The following NLGN1 variants were observed in gnomAD, a reference collection of about 807,000 sequenced individuals.
NLGN1 encodes neuroligin 1.
NLGN1 carries 12 observed loss-of-function variants against 65.5 expected under a neutral mutation model. The ratio of observed to expected loss-of-function variants is 0.18; its 90% CI spans 0.12 to 0.30. The LOEUF is 0.30. NLGN1 is among the 10% of genes least tolerant of loss of function. NLGN1 has a pLI of 1.00. For synonymous variants in NLGN1, 350 were observed against 359.5 expected (o/e 0.97, Z 0.30); for missense variants, 750 against 1,007.1 (o/e 0.74, Z 3.46).
In NLGN1 at chr3:173,449,479, C is replaced by T. The variant is rs1385285629; in HGVS notation, c.-321+14401C>T. On this transcript the variant is annotated intron_variant, in intron 2 of 6. Transcript: ENST00000457714. ...ACATTTGCTGAGGAGTGCTTTACTTCCAACTATGTGGTCAATTTTGTAATA... is the reference window on the plus strand; with the variant it reads ...ACATTTGCTGAGGAGTGCTTTACTTTCAACTATGTGGTCAATTTTGTAATA... Among the ~76,000 whole-genome samples the T allele has an allele frequency of 3.9e-5, 6 of 152,222 alleles. No homozygotes were observed. The East Asian group carries it at 1.2e-3, about 29-fold the overall frequency.
intron 4 of NLGN1, among the ~76,000 whole-genome samples, chr3:174,261,231 G>A (rs1414156019): frequency 1.1e-4 from 16 of 151,400 alleles, no homozygotes; most frequent in Non-Finnish European, 1.8e-4. Flanking sequence ...GAAAGTCATT[G>A]GTAGCTTTAT....
chr3:174,137,348 T>C (rs542946575), intron 4 of NLGN1, among the ~76,000 whole-genome samples: 1 of 152,266 alleles, frequency 6.6e-6, no homozygotes, highest in South Asian at 2.1e-4. Context: ...AACCTTAAAT[T>C]CTAATATTAG....
intron 3 of NLGN1, among the ~76,000 whole-genome samples, chr3:173,736,060 C>T (rs936668101): frequency 2.0e-5 from 3 of 151,938 alleles, no homozygotes; most frequent in Non-Finnish European, 4.4e-5. Context: ...TGGAAGACTT[C>T]ATGTTTGGGA....
chr3:174,107,947 C>T (rs1714309371), intron 4 of NLGN1, among the ~76,000 whole-genome samples: 1 of 152,080 alleles, frequency 6.6e-6, no homozygotes, highest in Admixed American at 6.6e-5. Flanking sequence ...GGAAATGGCT[C>T]TTCATGTCTT....
chr3:173,619,137 G>A (rs1753600364), intron 3 of NLGN1, among the ~76,000 whole-genome samples: 1 of 152,048 alleles, frequency 6.6e-6, no homozygotes. Flanking sequence ...TCCCCATGGT[G>A]CACATCAGTA....
chr3:174,047,641 T>G (rs1733911362), intron 4 of NLGN1, among the ~76,000 whole-genome samples: 1 of 151,928 alleles, frequency 6.6e-6, no homozygotes, highest in Admixed American at 6.6e-5. Flanking sequence ...ACATCCTACA[T>G]ACAGATACAC....
intron 2 of NLGN1, among the ~76,000 whole-genome samples, chr3:173,453,340 T>G (rs1280564980): frequency 6.6e-6 from 1 of 151,854 alleles, no homozygotes; most frequent in Admixed American, 6.6e-5. Context: ...TCAAGTGATC[T>G]TCCTGTGTTG....
chr3:173,513,888 T>G (rs1231731597), intron 2 of NLGN1, among the ~76,000 whole-genome samples: 1 of 151,454 alleles, frequency 6.6e-6, no homozygotes, highest in East Asian at 1.9e-4. Flanking sequence ...ATTAGCCGGG[T>G]GTGGTGGTGG....
At chr3:174,102,070 CA>C (rs1423176896) in intron 4 of NLGN1, among the ~76,000 whole-genome samples, 2 of 151,990 alleles carry the variant, frequency 1.3e-5, no homozygotes, top group Non-Finnish European at 2.9e-5. Context: ...TTAAAAATAA[CA>C]AAAAAGTATT....
chr3:173,577,425 A>G (rs1745671027), intron 2 of NLGN1, among the ~76,000 whole-genome samples: 1 of 152,192 alleles, frequency 6.6e-6, no homozygotes, highest in African/African-American at 2.4e-5. Flanking sequence ...AAATATTACC[A>G]TGTCCTGCTT....
In NLGN1 at chr3:173,743,059, G is replaced by A. The variant is rs115897035; in HGVS notation, c.494-64621G>A. Among the ~76,000 whole-genome samples, 238 of 152,122 alleles carry A rather than the reference G, an allele frequency of 1.6e-3. 1 individual carries two copies. Among genetic ancestry groups the A allele is most frequent in the African/African-American group, 5.5e-3 (228 of 41,494 alleles). Reference sequence around the variant, plus strand: ...AGAAGGCCAGTGTAGGCAATTATTCGCTTTCCTCAATATGCTGAGGCTACC... The same window carrying A: ...AGAAGGCCAGTGTAGGCAATTATTCACTTTCCTCAATATGCTGAGGCTACC... On this transcript the variant is annotated intron_variant, in intron 3 of 6. Transcript: ENST00000457714.
At chr3:173,608,409 A>T (rs1297787088) in intron 3 of NLGN1, among the ~76,000 whole-genome samples, 1 of 151,954 alleles carries the variant, frequency 6.6e-6, no homozygotes, top group Non-Finnish European at 1.5e-5. Flanking sequence ...GGCAGATAAC[A>T]TGATAGAAAC....
Position 173,614,597 on chromosome 3 carries a change from C to T in NLGN1, c.493+9506C>T, listed in dbSNP as rs73044473. ...AGAGAACTGATATGTTGCTTTGGCA[C>T]AGTAATTTACAAGGAGGCAGATCCT... On this transcript the variant is annotated intron_variant, in intron 3 of 6. Coordinates refer to ENST00000457714, the Ensembl canonical transcript of NLGN1. 8.8e-3 allele frequency among the ~76,000 whole-genome samples: 1,338 copies of T among 152,136 alleles called. 29 individuals are homozygous for T. The highest frequency in any genetic ancestry group is 0.031 in the African/African-American group (1,283 of 41,530).
At chr3:173,587,138 G>A (rs2149384379) in intron 2 of NLGN1, among the ~76,000 whole-genome samples, 1 of 152,298 alleles carries the variant, frequency 6.6e-6, no homozygotes, top group Non-Finnish European at 1.5e-5. Flanking sequence ...GTCATTGCAT[G>A]TGCCATAGTG....
intron 3 of NLGN1, among the ~76,000 whole-genome samples, chr3:173,641,752 C>T (rs990862727): frequency 2.6e-5 from 4 of 152,126 alleles, no homozygotes; most frequent in African/African-American, 9.7e-5. Context: ...ACTGGGGTGG[C>T]ATTGACCTAG....
At chr3:173,867,762 A>G (rs1158128611) in intron 4 of NLGN1, among the ~76,000 whole-genome samples, 2 of 152,146 alleles carry the variant, frequency 1.3e-5, no homozygotes, top group African/African-American at 4.8e-5. Context: ...CCCTACAAAA[A>G]TCACCTGAAG....
intron 4 of NLGN1, among the ~76,000 whole-genome samples, chr3:173,956,325 A>G (rs539023701): frequency 6.6e-6 from 1 of 152,314 alleles, no homozygotes; most frequent in South Asian, 2.1e-4. Context: ...AACAGAGGAA[A>G]TAAGAATGTT....
At chr3:173,960,540 G>A (rs1452507405) in intron 4 of NLGN1, among the ~76,000 whole-genome samples, 1 of 151,724 alleles carries the variant, frequency 6.6e-6, no homozygotes, top group African/African-American at 2.4e-5. Context: ...CAGAATATGT[G>A]GCTTAAGACG....
At position 173,954,155 on chromosome 3, in the gene NLGN1, C is replaced by T. The variant is rs554594596; in HGVS notation, c.646+146323C>T. 8.6e-5 allele frequency among the ~76,000 whole-genome samples: 13 copies of T among 151,944 alleles called. No individual in the cohort carries two copies. The South Asian group carries it at 2.1e-3, about 24-fold the overall frequency. ...GACAAGAAAAAATGAAAAAAAAATG[C>T]GTATGTTTATTGCTGAATTTATCTG... On this transcript the variant is annotated intron_variant, in intron 4 of 6. Coordinates refer to ENST00000457714, the Ensembl canonical transcript of NLGN1.
Sources: allele counts gnomAD v4.1 joint callset (sites outside exome capture counted in the v4.1 genomes callset), GRCh38; gene constraint gnomAD v4.1.1; transcripts MANE v1.5; gene names NCBI Gene and HGNC (gene_info 2026-07-23, HGNC 2026-07-21).